Variants in GNAO1 observed in about 807,000 individuals in gnomAD.
GNAO1 encodes G protein subunit alpha o1.
For synonymous variants in GNAO1, 164 were observed against 180.7 expected, an observed-to-expected ratio of 0.91 and a Z score of 0.74; for missense variants, 166 against 478.7, an observed-to-expected ratio of 0.35 and a Z score of 6.10.
chr16:56,322,625 C>T (rs927920915), intron 3 of GNAO1, among the ~76,000 whole-genome samples: 2 of 152,002 alleles, frequency 1.3e-5, no homozygotes, highest in African/African-American at 4.8e-5. Flanking sequence ...GCTGGGTACC[C>T]GTTAGTTCTC....
chr16:56,316,634 A>G (rs1163190038), intron 3 of GNAO1, among the ~76,000 whole-genome samples: 8 of 151,522 alleles, frequency 5.3e-5, no homozygotes, highest in African/African-American at 1.9e-4. Flanking sequence ...GTCTCCCACC[A>G]TCCACAAACC....
intron 3 of GNAO1, among the ~76,000 whole-genome samples, chr16:56,298,158 C>T (rs1482368879): frequency 1.3e-5 from 2 of 151,976 alleles, no homozygotes; most frequent in African/African-American, 2.4e-5. Flanking sequence ...GGCAACAGGG[C>T]GAGACCCTGT....
At chr16:56,282,615 C>T (rs1226035735) in intron 3 of GNAO1, among the ~76,000 whole-genome samples, 3 of 152,216 alleles carry the variant, frequency 2.0e-5, no homozygotes, top group Non-Finnish European at 2.9e-5. Context: ...GGAGGCTGAG[C>T]AAGGAGAGTC....
At chr16:56,345,404 G>T (rs945694881) in intron 6 of GNAO1, 25 of 985,752 alleles carry the variant, frequency 2.5e-5, no homozygotes, top group Non-Finnish European at 2.9e-5. Flanking sequence ...GCCAGGCAGG[G>T]CCCCTGGGTT....
intron 2 of GNAO1, among the ~76,000 whole-genome samples, chr16:56,221,909 A>C (rs1283800611): frequency 6.6e-6 from 1 of 152,194 alleles, no homozygotes; most frequent in African/African-American, 2.4e-5. Context: ...AGCCAGCACC[A>C]GAGCCAGTAA....
At chr16:56,254,636 G>A (rs77710968) in intron 2 of GNAO1, among the ~76,000 whole-genome samples, 12,584 of 151,974 alleles carry the variant, frequency 0.083, 569 homozygotes, top group African/African-American at 0.11. Context: ...ACCCAATCTG[G>A]CATCTTCTGT....
At chr16:56,335,068 C>T (rs2037727761) in intron 5 of GNAO1, among the ~76,000 whole-genome samples, 1 of 152,216 alleles carries the variant, frequency 6.6e-6, no homozygotes, top group South Asian at 2.1e-4. Context: ...GAAGAAGATT[C>T]CCAGAGTGGG....
At chr16:56,325,310 C>G in intron 3 of GNAO1, among the ~76,000 whole-genome samples, 1 of 152,176 alleles carries the variant, frequency 6.6e-6, no homozygotes, top group Non-Finnish European at 1.5e-5. Context: ...AACCCCATCT[C>G]TACTAAAAGT....
chr16:56,352,801 G>A (rs1214477428), intron 7 of GNAO1: 1 of 152,342 alleles, frequency 6.6e-6, no homozygotes, highest in Non-Finnish European at 1.5e-5. Flanking sequence ...AGAGCAGGAG[G>A]TGGGGCCAGG....
rs556784227 is a variant in GNAO1 at position 56,328,616 on chromosome 16, C to T, written c.304-15C>T. On this transcript the variant is annotated splice_polypyrimidine_tract_variant and intron_variant, in intron 3 of 8. Coordinates refer to ENST00000262493, the MANE Select transcript of GNAO1 (RefSeq NM_020988.3). ...CACCAAAGCGTCAAAGCCCACCATC[C>T]ACCTCTCCTCACAGGCTGACGCCAA... 6.2e-7 allele frequency: 1 copy of T among 1,611,580 alleles called. No homozygotes were observed. The highest frequency in any genetic ancestry group is 1.3e-5 in the African/African-American group (1 of 75,036).
intron 2 of GNAO1, among the ~76,000 whole-genome samples, chr16:56,210,665 T>C (rs1447956407): frequency 1.3e-5 from 2 of 152,264 alleles, no homozygotes; most frequent in Non-Finnish European, 2.9e-5. Context: ...TCTCTAATGA[T>C]AAATGATGCG....
At chr16:56,292,076 C>CTTGCTCCACA (rs1480015106) in intron 3 of GNAO1, among the ~76,000 whole-genome samples, 6 of 152,216 alleles carry the variant, frequency 3.9e-5, no homozygotes, top group Non-Finnish European at 8.8e-5. Context: ...CTGGCTCTTT[C>CTTGCTCCACA]TTGCTCCACA....
chr16:56,270,965 T>G (rs2037010838), intron 2 of GNAO1: 1 of 152,228 alleles, frequency 6.6e-6, no homozygotes, highest in Non-Finnish European at 1.5e-5. Flanking sequence ...CTAAGGTATC[T>G]CGTGGAGCCT....
chr16:56,298,228 A>G (rs1180706532), intron 3 of GNAO1, among the ~76,000 whole-genome samples: 3 of 152,210 alleles, frequency 2.0e-5, no homozygotes, highest in Non-Finnish European at 4.4e-5. Flanking sequence ...ATGTGCAGAC[A>G]TGAGGCAGCC....
At chr16:56,350,986 C>T (rs569173082) in intron 6 of GNAO1, among the ~76,000 whole-genome samples, 1 of 152,260 alleles carries the variant, frequency 6.6e-6, no homozygotes, top group Non-Finnish European at 1.5e-5. Context: ...CATAGGCACA[C>T]ATGCACACGA....
intron 2 of GNAO1, among the ~76,000 whole-genome samples, chr16:56,250,858 T>C (rs2036792938): frequency 1.3e-5 from 2 of 152,266 alleles, no homozygotes; most frequent in South Asian, 2.1e-4. Flanking sequence ...GATTGACTTA[T>C]GTTCCATCCC....
In GNAO1 at chr16:56,351,054, CCA is replaced by C. The variant is rs2037916816; in HGVS notation, c.724-322_724-321del. Among the ~76,000 whole-genome samples, 1 of 152,158 alleles carries C rather than the reference CCA, an allele frequency of 6.6e-6. No homozygotes were observed. Among genetic ancestry groups the C allele is most frequent in the African/African-American group, 2.4e-5 (1 of 41,424 alleles). On this transcript the variant is annotated intron_variant, in intron 6 of 8. Coordinates refer to ENST00000262493, the MANE Select transcript of GNAO1 (RefSeq NM_020988.3). This position sits in a 1 kb window ranked among gnomAD's most constrained non-coding sequence, Gnocchi z 6.1. ...CACACACACAGGCACATGCACACAG[CCA>C]CACACACGTGTGCTGGGAGACCCTC...
chr16:56,274,183 G>A (rs1264500031), intron 2 of GNAO1, among the ~76,000 whole-genome samples: 7 of 152,142 alleles, frequency 4.6e-5, no homozygotes, highest in South Asian at 2.1e-4. Flanking sequence ...GGCCATCACC[G>A]GACTCTCCTC....
At chr16:56,269,888 C>T (rs2036998854) in intron 2 of GNAO1, among the ~76,000 whole-genome samples, 2 of 152,142 alleles carry the variant, frequency 1.3e-5, no homozygotes, top group African/African-American at 2.4e-5. Flanking sequence ...CCAGATGAGC[C>T]TCCAAGGTCC....
Sources: allele counts gnomAD v4.1 joint callset (sites outside exome capture counted in the v4.1 genomes callset), GRCh38; gene constraint gnomAD v4.1.1; non-coding constraint Gnocchi (gnomAD v3.1); transcripts MANE v1.5; gene names NCBI Gene and HGNC (gene_info 2026-07-23, HGNC 2026-07-21).